The following CADM2 variants were observed in gnomAD, a reference collection of about 807,000 sequenced individuals.
CADM2 encodes cell adhesion molecule 2.
CADM2 carries 12 observed loss-of-function variants against 49.8 expected under a neutral mutation model. That is an observed-to-expected ratio of 0.24 (90% CI 0.15 to 0.39). CADM2 has a LOEUF of 0.39. CADM2 is among the 10% of genes least tolerant of loss of function. CADM2 has a pLI of 1.00. For synonymous variants in CADM2, 214 were observed against 175.4 expected (o/e 1.22, Z -1.74); for missense variants, 378 against 492.3 (o/e 0.77, Z 2.20).
intron 1 of CADM2, among the ~76,000 whole-genome samples, chr3:85,509,105 A>G (rs1266314132): frequency 6.6e-6 from 1 of 152,194 alleles, no homozygotes; most frequent in Admixed American, 6.6e-5. Flanking sequence ...CTAGAGTTCA[A>G]GAGCTATGGG....
chr3:85,900,843 C>A (rs1003525538), intron 5 of CADM2, among the ~76,000 whole-genome samples: 3 of 152,050 alleles, frequency 2.0e-5, no homozygotes, highest in Admixed American at 6.6e-5. Context: ...AGGAAAATAC[C>A]TTTTTCATTC....
chr3:85,644,712 C>A (rs995897105), intron 1 of CADM2, among the ~76,000 whole-genome samples: 1 of 152,074 alleles, frequency 6.6e-6, no homozygotes, highest in African/African-American at 2.4e-5. Flanking sequence ...AATGTGAAAG[C>A]CCTTAGCCAA....
chr3:84,981,793 GT>G (rs2032197754), intron 1 of CADM2, among the ~76,000 whole-genome samples: 1 of 152,058 alleles, frequency 6.6e-6, no homozygotes, highest in Admixed American at 6.6e-5. Context: ...GTATAGATGG[GT>G]TTGAGAAACT....
At chr3:85,331,631 A>G (rs533234673) in intron 1 of CADM2, among the ~76,000 whole-genome samples, 25 of 152,092 alleles carry the variant, frequency 1.6e-4, no homozygotes, top group African/African-American at 4.8e-4. Flanking sequence ...CCTTTTGGGT[A>G]CAGACCCAAC....
In CADM2 at chr3:85,930,430, A is replaced by C. The variant is rs551373499; in HGVS notation, c.701-5337A>C. On this transcript the variant is annotated intron_variant, in intron 6 of 9. Coordinates refer to ENST00000383699, the MANE Select transcript of CADM2 (RefSeq NM_001167675.2). ...GAATGGGTTATCTATCCCCTCAAGC[A>C]TTTATTCTTTGAGTTACAAACAGTC... 3.1e-4 allele frequency among the ~76,000 whole-genome samples: 47 copies of C among 152,248 alleles called. No individual in the cohort carries two copies. In the South Asian group the frequency reaches 9.3e-3, roughly 30 times the overall value.
intron 1 of CADM2, among the ~76,000 whole-genome samples, chr3:85,578,321 C>T (rs1037707196): frequency 1.6e-4 from 25 of 152,288 alleles, no homozygotes; most frequent in African/African-American, 5.8e-4. Flanking sequence ...ACACACCACT[C>T]ATCCTCAACT....
At chr3:85,489,210 G>A (rs2039559270) in intron 1 of CADM2, among the ~76,000 whole-genome samples, 1 of 152,056 alleles carries the variant, frequency 6.6e-6, no homozygotes, top group Admixed American at 6.6e-5. Context: ...GAAGTCTGAA[G>A]GCATCTGTGT....
At chr3:85,347,517 A>T (rs1239403722) in intron 1 of CADM2, among the ~76,000 whole-genome samples, 1 of 135,950 alleles carries the variant, frequency 7.4e-6, no homozygotes, top group East Asian at 2.0e-4. Flanking sequence ...ATATACACAC[A>T]TATATATAAA....
chr3:85,220,324 G>T (rs918889352), intron 1 of CADM2, among the ~76,000 whole-genome samples: 1 of 151,960 alleles, frequency 6.6e-6, no homozygotes, highest in Non-Finnish European at 1.5e-5. Flanking sequence ...AACAATTTTT[G>T]GGGAAAATTT....
chr3:85,526,264 G>C (rs2061156939), intron 1 of CADM2, among the ~76,000 whole-genome samples: 1 of 151,406 alleles, frequency 6.6e-6, no homozygotes, highest in East Asian at 2.0e-4. Context: ...TTGTTTAGTA[G>C]GAAGGTAAAT....
intron 1 of CADM2, among the ~76,000 whole-genome samples, chr3:85,091,982 A>G (rs895868872): frequency 4.6e-5 from 7 of 152,232 alleles, no homozygotes; most frequent in African/African-American, 1.7e-4. Flanking sequence ...AGATATTCAA[A>G]CTCTGGCCTG....
At chr3:85,655,178 A>G (rs2065160078) in intron 1 of CADM2, among the ~76,000 whole-genome samples, 1 of 149,124 alleles carries the variant, frequency 6.7e-6, no homozygotes, top group Non-Finnish European at 1.5e-5. Context: ...TTTTTTTGAC[A>G]CAGTCTCACT....
chr3:84,994,639 A>C (rs954403243), intron 1 of CADM2, among the ~76,000 whole-genome samples: 4 of 152,184 alleles, frequency 2.6e-5, no homozygotes, highest in Middle Eastern at 3.2e-3. Flanking sequence ...TAACATTACT[A>C]TAACAAGAAA....
At chr3:85,122,648 A>G (rs2107594445) in intron 1 of CADM2, among the ~76,000 whole-genome samples, 1 of 152,234 alleles carries the variant, frequency 6.6e-6, no homozygotes, top group African/African-American at 2.4e-5. Context: ...ATATATGTGT[A>G]CATATATATG....
intron 1 of CADM2, among the ~76,000 whole-genome samples, chr3:85,705,242 A>AG (rs1158763036): frequency 9.2e-5 from 14 of 151,622 alleles, no homozygotes; most frequent in African/African-American, 3.1e-4. Flanking sequence ...AAAAAAAAAA[A>AG]AAGAAATAAG....
chr3:85,652,775 T>TTTTTTTTTTTTTC, intron 1 of CADM2, among the ~76,000 whole-genome samples: 1 of 117,274 alleles, frequency 8.5e-6, no homozygotes, highest in Non-Finnish European at 1.8e-5. Flanking sequence ...TTCTTTTCTT[T>TTTTTTTTTTTTTC]TTTTTTTTTT....
chr3:86,013,657 A>T lies in CADM2; in HGVS notation c.971-51948A>T, dbSNP rs1487647613. The T allele has an allele frequency of 1.4e-5, 22 of 1,602,950 alleles. No homozygotes were observed. In the East Asian group the frequency reaches 4.7e-4, roughly 34 times the overall value. ...GACGATGTAGTGGACATAGCAGGGG[A>T]AGAGCACCTAACTGTGTTGGTGGGG... On this transcript the variant is annotated intron_variant, in intron 8 of 9. Transcript: ENST00000383699.
intron 1 of CADM2, among the ~76,000 whole-genome samples, chr3:85,499,299 C>T (rs10084702): frequency 1.1e-3 from 167 of 152,084 alleles, no homozygotes; most frequent in African/African-American, 3.9e-3. Context: ...GACAATGTTT[C>T]GTTTTTCAGT....
chr3:85,012,153 A>G (rs2034028868), intron 1 of CADM2, among the ~76,000 whole-genome samples: 1 of 136,874 alleles, frequency 7.3e-6, no homozygotes, highest in South Asian at 2.3e-4. Flanking sequence ...AGTTTTGATG[A>G]AAAAAAATGA....
Sources: gnomAD v4.1 joint callset for allele counts (sites outside exome capture counted in the v4.1 genomes callset) on GRCh38, gnomAD v4.1.1 for gene constraint, MANE v1.5 for transcripts, NCBI Gene and HGNC (gene_info 2026-07-23, HGNC 2026-07-21) for gene names.